The following TRMT11 variants were observed in gnomAD, a reference collection of about 807,000 sequenced individuals.
TRMT11 encodes the protein tRNA methyltransferase 11, also known as tRNA (guanine(10)-N(2))-methyltransferase TRMT11.
Under a neutral mutation model 62.8 loss-of-function variants are expected in TRMT11, and 53 were observed. The ratio of observed to expected loss-of-function variants is 0.84; its 90% CI spans 0.68 to 1.06. TRMT11 has a LOEUF of 1.06. Ranked by LOEUF, TRMT11 falls within the 50% of genes least tolerant of loss-of-function variation. The pLI is 0.00. For synonymous variants in TRMT11, 188 were observed against 190.3 expected, an observed-to-expected ratio of 0.99 and a Z score of 0.10; for missense variants, 556 against 553.4, an observed-to-expected ratio of 1.00 and a Z score of -0.05.
intron 17 of TRMT11, among the ~76,000 whole-genome samples, chr6:126,109,504 G>A (rs1005691267): frequency 2.6e-5 from 4 of 152,144 alleles, no homozygotes; most frequent in Non-Finnish European, 5.9e-5. Flanking sequence ...ATCATACCAG[G>A]ATGCACCTCA....
intron 6 of TRMT11, 43 bp from the exon 7 acceptor site, chr6:125,999,405 CTTAAGTCTA>C: frequency 7.0e-7 from 1 of 1,421,448 alleles, no homozygotes; most frequent in African/African-American, 1.4e-5. Flanking sequence ...GAGTGATTAT[CTTAAGTCTA>C]TTCTGTATGG....
chr6:126,020,532 T>G (rs1795669592), intron 11 of TRMT11, among the ~76,000 whole-genome samples: 1 of 152,232 alleles, frequency 6.6e-6, no homozygotes, highest in African/African-American at 2.4e-5. Context: ...CCACCACTCA[T>G]TGGCATATTT....
In TRMT11 at chr6:125,991,118, C is replaced by T. The variant is rs138405493; in HGVS notation, c.73-2639C>T. Among the ~76,000 whole-genome samples, 24 of 151,770 alleles carry T rather than the reference C, an allele frequency of 1.6e-4. No homozygotes were observed. In the East Asian group the frequency reaches 3.3e-3, roughly 21 times the overall value. On this transcript the variant is annotated intron_variant, in intron 1 of 12. Transcript: ENST00000334379. ...AAAATTAGCCAGATGTGGTGGTGTG[C>T]GCCTGTAATCTCAGCTACCCAAGAG...
intron 17 of TRMT11, among the ~76,000 whole-genome samples, chr6:126,106,489 A>C (rs764145844): frequency 1.6e-4 from 24 of 151,998 alleles, no homozygotes; most frequent in Non-Finnish European, 3.2e-4. Context: ...TGGCCTCACT[A>C]CTTCTCGCGC....
the TRMT11 span, among the ~76,000 whole-genome samples, chr6:126,221,093 C>G: frequency 6.6e-6 from 1 of 152,124 alleles, no homozygotes; most frequent in African/African-American, 2.4e-5. Context: ...GATGTAATTT[C>G]ATTCCTTTTC....
chr6:126,142,440 A>G (rs1777927153), intron 21 of TRMT11, among the ~76,000 whole-genome samples: 1 of 152,094 alleles, frequency 6.6e-6, no homozygotes. Flanking sequence ...TTTTAAATAA[A>G]TGAGTGGAGT....
chr6:126,089,058 T>G (rs1777244678), intron 17 of TRMT11, among the ~76,000 whole-genome samples: 1 of 152,188 alleles, frequency 6.6e-6, no homozygotes, highest in Non-Finnish European at 1.5e-5. Context: ...AATTTTAAAA[T>G]TACTTATTGA....
At position 126,165,277 on chromosome 6, in the gene TRMT11, CA is replaced by C. The variant is rs764649605; in HGVS notation, c.*1824-9532del. Among the ~76,000 whole-genome samples the C allele has an allele frequency of 5.7e-3, 763 of 134,668 alleles. 6 individuals are homozygous for C. The highest frequency in any genetic ancestry group is 0.011 in the East Asian group (49 of 4,350). 88.3% of individuals were successfully genotyped at this position (134,668 alleles called of 152,430 possible). The stretch of plus-strand genomic sequence containing the variant: ...CCAGTGATAGAGTGAGACCGTGCCT[CA>C]AAAAAAAAAAAAAAATTGCTATGTG... On this transcript the variant is annotated intron_variant and NMD_transcript_variant, in intron 21 of 22. Coordinates refer to the TRMT11 transcript ENST00000648977.
intron 21 of TRMT11, among the ~76,000 whole-genome samples, chr6:126,121,447 A>G (rs1777648523): frequency 6.6e-6 from 1 of 152,110 alleles, no homozygotes; most frequent in East Asian, 1.9e-4. Context: ...AGGGTGCTCT[A>G]CCATGGTTTA....
chr6:126,045,606 T>C (rs1170493945), intron 16 of TRMT11, among the ~76,000 whole-genome samples: 1 of 152,204 alleles, frequency 6.6e-6, no homozygotes, highest in Non-Finnish European at 1.5e-5. Context: ...TCCTTGTTTT[T>C]TGCTAACCCT....
At chr6:126,115,905 C>T (rs967119911) in intron 21 of TRMT11, among the ~76,000 whole-genome samples, 2 of 151,948 alleles carry the variant, frequency 1.3e-5, no homozygotes, top group Non-Finnish European at 2.9e-5. Flanking sequence ...TTGCTGCACC[C>T]CCTGAGAGAT....
the TRMT11 span, among the ~76,000 whole-genome samples, chr6:126,254,047 G>T: frequency 6.6e-6 from 1 of 152,088 alleles, no homozygotes; most frequent in African/African-American, 2.4e-5. Context: ...TTCACACTTC[G>T]TCTCTGACAA....
intron 1 of TRMT11, among the ~76,000 whole-genome samples, chr6:126,184,155 A>G (rs560828044): frequency 1.3e-5 from 2 of 152,362 alleles, no homozygotes; most frequent in Admixed American, 1.3e-4. Context: ...TGAAGTGATT[A>G]CCTTATGAAG....
At chr6:126,232,732 A>G in the TRMT11 span, among the ~76,000 whole-genome samples, 1 of 152,214 alleles carries the variant, frequency 6.6e-6, no homozygotes, top group Non-Finnish European at 1.5e-5. Flanking sequence ...GCTTTGTGTT[A>G]GTGGACATTC....
At chr6:126,057,158 CTGCAGGA>C (rs753109433) in intron 17 of TRMT11, among the ~76,000 whole-genome samples, 18 of 152,194 alleles carry the variant, frequency 1.2e-4, no homozygotes, top group Non-Finnish European at 2.4e-4. Flanking sequence ...CTGAGCAAAG[CTGCAGGA>C]TTTCTGGGAG....
At chr6:126,128,727 G>A (rs183696258) in intron 21 of TRMT11, among the ~76,000 whole-genome samples, 511 of 152,074 alleles carry the variant, frequency 3.4e-3, no homozygotes, top group Non-Finnish European at 5.7e-3. Flanking sequence ...CTTCACTTAT[G>A]CACTACATAT....
intron 17 of TRMT11, among the ~76,000 whole-genome samples, chr6:126,079,064 C>G (rs1215711137): frequency 1.3e-5 from 2 of 151,966 alleles, no homozygotes; most frequent in Admixed American, 1.3e-4. Context: ...AGTCCCTGGA[C>G]CATAAAGGTA....
intron 21 of TRMT11, among the ~76,000 whole-genome samples, chr6:126,161,355 G>T (rs1385295240): frequency 4.6e-5 from 7 of 152,092 alleles, no homozygotes; most frequent in Non-Finnish European, 8.8e-5. Flanking sequence ...TCCTATGATA[G>T]TTTTCTGAGA....
intron 17 of TRMT11, among the ~76,000 whole-genome samples, chr6:126,071,705 C>T (rs1264771641): frequency 6.8e-6 from 1 of 147,778 alleles, no homozygotes; most frequent in African/African-American, 2.5e-5. Context: ...TTCCAAGAAT[C>T]GGGAAGAAGA....
Sources: allele counts gnomAD v4.1 joint callset (sites outside exome capture counted in the v4.1 genomes callset), GRCh38; gene constraint gnomAD v4.1.1; transcripts MANE v1.5; gene names NCBI Gene and HGNC (gene_info 2026-07-23, HGNC 2026-07-21).